The following ZNF487 variants were observed in gnomAD, a reference collection of about 807,000 sequenced individuals.
The protein encoded by ZNF487 is KRAB domain only 1.
Under a neutral mutation model 3.0 loss-of-function variants are expected in ZNF487, and 4 were observed. The ratio of observed to expected loss-of-function variants is 1.35; its 90% CI spans 0.66 to 3.08. The LOEUF (loss-of-function observed/expected upper bound fraction) is 3.08, where lower values mean the gene tolerates loss of function less well. ZNF487 is among the 30% of genes most tolerant of loss of function. ZNF487 has a pLI of 0.01. For missense variants in ZNF487, 146 were observed against 98.7 expected (o/e 1.48, Z -2.03); for synonymous variants, 55 against 34.6 (o/e 1.59, Z -2.06).
intron 1 of ZNF487, among the ~76,000 whole-genome samples, chr10:43,446,061 T>C (rs1564412359): frequency 6.6e-6 from 1 of 151,992 alleles, no homozygotes; most frequent in Non-Finnish European, 1.5e-5. Flanking sequence ...CAAAATGGAG[T>C]CTCCTATGTC....
At chr10:43,515,496 AC>A in the ZNF487 span, among the ~76,000 whole-genome samples, 1 of 152,066 alleles carries the variant, frequency 6.6e-6, no homozygotes, top group Non-Finnish European at 1.5e-5. Context: ...GAGTTTACAA[AC>A]TCAGTGTCCT....
the ZNF487 span, among the ~76,000 whole-genome samples, chr10:43,492,552 C>T: frequency 8.1e-5 from 12 of 148,828 alleles, no homozygotes; most frequent in East Asian, 1.9e-4. Context: ...CCTGAGTTCA[C>T]GCCATTCTCC....
chr10:43,488,233 C>A, the ZNF487 span, among the ~76,000 whole-genome samples: 2 of 151,922 alleles, frequency 1.3e-5, no homozygotes, highest in Non-Finnish European at 2.9e-5. Flanking sequence ...AGATAAATAT[C>A]AAAATCCAAA....
chr10:43,515,772 T>C, the ZNF487 span, among the ~76,000 whole-genome samples: 1 of 152,158 alleles, frequency 6.6e-6, no homozygotes, highest in African/African-American at 2.4e-5. Context: ...AGAGAATCCC[T>C]GAGTTCATTT....
At chr10:43,516,710 A>G in the ZNF487 span, among the ~76,000 whole-genome samples, 2 of 152,158 alleles carry the variant, frequency 1.3e-5, no homozygotes, top group Non-Finnish European at 2.9e-5. Context: ...TATTCTAGTC[A>G]TGCTGGCAGC....
intron 1 of ZNF487, among the ~76,000 whole-genome samples, chr10:43,472,208 A>T (rs1270402334): frequency 6.6e-6 from 1 of 152,036 alleles, no homozygotes; most frequent in Non-Finnish European, 1.5e-5. Flanking sequence ...CTTTGGATGC[A>T]TATGTTAACT....
Position 43,456,826 on chromosome 10 carries a change from G to A in ZNF487, c.-93-18895G>A, listed in dbSNP as rs549208096. On this transcript the variant is annotated intron_variant, in intron 1 of 3. Coordinates refer to ENST00000437590, the MANE Select transcript of ZNF487 (RefSeq NM_001355444.3). ...GAACTCCTGACCTCAGGTGATCCGCGCGCCTCTGCCTCCCAAAGTGTTGGG... is the reference window on the plus strand; with the variant it reads ...GAACTCCTGACCTCAGGTGATCCGCACGCCTCTGCCTCCCAAAGTGTTGGG... Among the ~76,000 whole-genome samples, 6 of 152,142 alleles carry A rather than the reference G, an allele frequency of 3.9e-5. No homozygotes were observed. In the East Asian group the frequency reaches 1.2e-3, roughly 29 times the overall value.
intron 1 of ZNF487, among the ~76,000 whole-genome samples, chr10:43,462,428 AC>A (rs1435310233): frequency 6.8e-6 from 1 of 146,146 alleles, no homozygotes; most frequent in African/African-American, 2.5e-5. Context: ...GTTTGTGGAA[AC>A]CCGGCATTGA....
the ZNF487 span, among the ~76,000 whole-genome samples, chr10:43,519,530 C>A: frequency 1.3e-5 from 2 of 149,978 alleles, no homozygotes; most frequent in Admixed American, 1.3e-4. Flanking sequence ...TGCACTGGTG[C>A]GATCTTGGCT....
intron 1 of ZNF487, among the ~76,000 whole-genome samples, chr10:43,455,115 TCTC>T (rs1437338121): frequency 6.6e-6 from 1 of 151,310 alleles, no homozygotes; most frequent in African/African-American, 2.4e-5. Context: ...TTCAAGGCCT[TCTC>T]CTGCCTCAGC....
chr10:43,438,377 G>A (rs1839460263), intron 1 of ZNF487, among the ~76,000 whole-genome samples: 2 of 152,114 alleles, frequency 1.3e-5, no homozygotes, highest in South Asian at 2.1e-4. Flanking sequence ...GTAGAGACAG[G>A]GTTTTGCCTT....
the ZNF487 span, among the ~76,000 whole-genome samples, chr10:43,508,213 C>G: frequency 6.6e-6 from 1 of 152,192 alleles, no homozygotes; most frequent in Non-Finnish European, 1.5e-5. Context: ...GAGGAGGCCT[C>G]TCACCCTGAT....
the ZNF487 span, among the ~76,000 whole-genome samples, chr10:43,490,392 A>G: frequency 6.6e-6 from 1 of 151,638 alleles, no homozygotes; most frequent in Non-Finnish European, 1.5e-5. Flanking sequence ...AATAAAACAA[A>G]CAAACAGATT....
intron 1 of ZNF487, among the ~76,000 whole-genome samples, chr10:43,471,240 G>T (rs1450346111): frequency 6.6e-6 from 1 of 152,162 alleles, no homozygotes; most frequent in East Asian, 1.9e-4. Flanking sequence ...GCGGGATCTG[G>T]CTGGCTGCTC....
chr10:43,449,944 G>A (rs1839947786), intron 1 of ZNF487, among the ~76,000 whole-genome samples: 1 of 152,026 alleles, frequency 6.6e-6, no homozygotes, highest in African/African-American at 2.4e-5. Flanking sequence ...CCCCCAAAGT[G>A]CTGTGATTAC....
At chr10:43,472,733 T>G (rs1442449052) in intron 1 of ZNF487, among the ~76,000 whole-genome samples, 1 of 152,214 alleles carries the variant, frequency 6.6e-6, no homozygotes, top group Non-Finnish European at 1.5e-5. Context: ...TCTTGCTGGA[T>G]GTACCAGGCA....
At chr10:43,438,246 C>T (rs1475360944) in intron 1 of ZNF487, among the ~76,000 whole-genome samples, 4 of 152,014 alleles carry the variant, frequency 2.6e-5, no homozygotes, top group Non-Finnish European at 4.4e-5. Context: ...AGTGCAGTGG[C>T]GTGATTTTGG....
Sources: gnomAD v4.1 joint callset for allele counts (sites outside exome capture counted in the v4.1 genomes callset) on GRCh38, gnomAD v4.1.1 for gene constraint, MANE v1.5 for transcripts, NCBI Gene and HGNC (gene_info 2026-07-23, HGNC 2026-07-21) for gene names.